Variants in MAX observed in about 807,000 individuals in gnomAD.
The protein encoded by MAX is protein max.
In MAX, 3 loss-of-function variants were observed where a neutral mutation model predicts 22.3. That is an observed-to-expected ratio of 0.13 (90% CI 0.06 to 0.35). MAX has a LOEUF of 0.35. Among genes scored for constraint, MAX ranks in the 10% least tolerant of loss-of-function variants. The probability of loss-of-function intolerance (pLI) is 1.00; values close to 1 mark genes in which losing one functional copy is unlikely to be tolerated. For missense variants in MAX, 119 were observed against 209.4 expected, an observed-to-expected ratio of 0.57 and a Z score of 2.66; for synonymous variants, 72 against 77.7, an observed-to-expected ratio of 0.93 and a Z score of 0.39.
At position 65,036,476 on chromosome 14, in the gene MAX, A is replaced by G. The variant is rs190425231; in HGVS notation, c.172-30192T>C. ...GGTCTTAAACCCCTGAGCTTAAGCA[A>G]TCCGCCTGCCTCAGCCTCCCAAAGT... is the stretch of plus-strand genomic sequence containing the variant. On this transcript the variant is annotated intron_variant, in intron 3 of 3. Transcript: ENST00000341653. 3.0e-3 allele frequency among the ~76,000 whole-genome samples: 463 copies of G among 152,226 alleles called. 1 individual carries two copies. The highest frequency in any genetic ancestry group is 4.1e-3 in the Non-Finnish European group (282 of 68,010).
chr14:65,009,823 T>A lies in MAX; in HGVS notation c.172-3539A>T, dbSNP rs2061656373. 6.6e-6 allele frequency among the ~76,000 whole-genome samples: 1 copy of A among 152,198 alleles called. No homozygotes were observed. Among genetic ancestry groups the A allele is most frequent in the Non-Finnish European group, 1.5e-5 (1 of 68,018 alleles). On this transcript the variant is annotated intron_variant, in intron 3 of 3. Coordinates refer to the MAX transcript ENST00000341653. The surrounding 1 kb of genome is among the most constrained non-coding windows in gnomAD (Gnocchi z 4.2). ...GCTCTTCCCTTTGGGAAGAGTTTTC[T>A]GACCCTCCATCTCTTCCCGTGGCTG...
Position 65,064,664 on chromosome 14 carries a change from C to T in MAX, c.171+29044G>A, listed in dbSNP as rs1043284462. On this transcript the variant is annotated intron_variant, in intron 3 of 3. Coordinates refer to the MAX transcript ENST00000341653. ...GTCCAATGGCTTGGAGAATACAGTG[C>T]ACCAATTGGCCAAAGTCTTGGTCAC... is the stretch of plus-strand genomic sequence containing the variant. 1.3e-5 allele frequency among the ~76,000 whole-genome samples: 2 copies of T among 152,244 alleles called. 1 individual carries two copies. The highest frequency in any genetic ancestry group is 4.1e-4 in the South Asian group (2 of 4,832).
chr14:65,063,117 C>G (rs921165998), intron 3 of MAX, among the ~76,000 whole-genome samples: 2 of 152,236 alleles, frequency 1.3e-5, no homozygotes, highest in African/African-American at 4.8e-5. Context: ...GTCCTGTGGC[C>G]TGACCCTCTT....
chr14:65,094,577 T>C (rs1044587778), intron 2 of MAX, among the ~76,000 whole-genome samples: 1 of 152,196 alleles, frequency 6.6e-6, no homozygotes, highest in Non-Finnish European at 1.5e-5. Context: ...CAGGTACCTG[T>C]GGCAGGTCAG....
chr14:65,023,008 T>C lies in MAX; in HGVS notation c.172-16724A>G, dbSNP rs2061916592. 1.3e-5 allele frequency among the ~76,000 whole-genome samples: 2 copies of C among 152,242 alleles called. No individual in the cohort carries two copies. The highest frequency in any genetic ancestry group is 2.1e-4 in the South Asian group (1 of 4,832). ...CATTTTGTATTATATGCTTATTTAC[T>C]GTACATGCCTTTGAATCCTTCATCC... On this transcript the variant is annotated intron_variant, in intron 3 of 3. Coordinates refer to the MAX transcript ENST00000341653. This position sits in a 1 kb window ranked among gnomAD's most constrained non-coding sequence, Gnocchi z 4.1.
chr14:65,102,537 G>A, upstream of MAX: 1 of 1,448,930 alleles, frequency 6.9e-7, no homozygotes, highest in Non-Finnish European at 9.1e-7. Context: ...GATCAACGGC[G>A]GCACGCACGC....
intron 2 of MAX, among the ~76,000 whole-genome samples, chr14:65,096,930 T>C (rs2063691564): frequency 1.3e-5 from 2 of 152,214 alleles, no homozygotes; most frequent in Non-Finnish European, 2.9e-5. Context: ...GGCTGGATGC[T>C]GCCCACTCTT....
In MAX at chr14:65,102,440, C is replaced by G; in HGVS notation, c.-101G>C. Reference sequence around the variant, plus strand: ...ACAACAACAAGCCGAGTCCCCCCCACACACACACTCACTCACTCACTCACT... The same window carrying G: ...ACAACAACAAGCCGAGTCCCCCCCAGACACACACTCACTCACTCACTCACT... On this transcript the variant is annotated 5_prime_UTR_variant, in exon 1 of 5. Transcript: ENST00000358664. 6.5e-7 allele frequency: 1 copy of G among 1,549,744 alleles called. No homozygotes were observed. Among genetic ancestry groups the G allele is most frequent in the South Asian group, 1.2e-5 (1 of 84,164 alleles).
In MAX at chr14:65,027,204, G is replaced by A. The variant is rs983926738; in HGVS notation, c.172-20920C>T. ...CGAAAGTCGGTTTCTTCCCAGCCTT[G>A]TGTTCCCTGCTTCATGACCAACAAG... On this transcript the variant is annotated intron_variant, in intron 3 of 3. Coordinates refer to the MAX transcript ENST00000341653. This position sits in a 1 kb window ranked among gnomAD's most constrained non-coding sequence, Gnocchi z 5.7. 2.0e-5 allele frequency among the ~76,000 whole-genome samples: 3 copies of A among 152,212 alleles called. No individual in the cohort carries two copies. Among genetic ancestry groups the A allele is most frequent in the African/African-American group, 7.2e-5 (3 of 41,456 alleles).
At chr14:65,059,331 C>G (rs957575050) in intron 3 of MAX, among the ~76,000 whole-genome samples, 2 of 151,776 alleles carry the variant, frequency 1.3e-5, no homozygotes, top group Admixed American at 1.3e-4. Context: ...CCGCACTAGC[C>G]CCTTTTTTTT....
At chr14:65,100,950 T>A (rs535958797) in intron 2 of MAX, among the ~76,000 whole-genome samples, 15 of 152,378 alleles carry the variant, frequency 9.8e-5, no homozygotes, top group African/African-American at 2.6e-4. Flanking sequence ...AGCTATTTTT[T>A]AATTTTCTTT....
intron 3 of MAX, chr14:65,041,009 T>TA (rs1215651646): frequency 5.2e-6 from 8 of 1,550,774 alleles, no homozygotes; most frequent in Non-Finnish European, 7.0e-6. Context: ...AGAGTTTGGC[T>TA]ATGGGAAGGG....
rs757241322 is a variant in MAX at position 65,027,520 on chromosome 14, C to A, written c.172-21236G>T. 1.2e-6 allele frequency: 2 copies of A among 1,614,170 alleles called. No homozygotes were observed. The highest frequency in any genetic ancestry group is 2.7e-5 in the African/African-American group (2 of 75,010). On this transcript the variant is annotated intron_variant, in intron 3 of 3. Transcript: ENST00000341653. This position sits in a 1 kb window ranked among gnomAD's most constrained non-coding sequence, Gnocchi z 5.7. ...CTTTGGAGGAGGACCCGGTCAGTAT[C>A]CACACCTTGCACCCACATATGCAGC...
In MAX at chr14:65,009,948, C is replaced by T. The variant is rs1319816126; in HGVS notation, c.172-3664G>A. Among the ~76,000 whole-genome samples, 1 of 152,168 alleles carries T rather than the reference C, an allele frequency of 6.6e-6. No homozygotes were observed. Among genetic ancestry groups the T allele is most frequent in the East Asian group, 1.9e-4 (1 of 5,194 alleles). Reference sequence around the variant, plus strand: ...GTACAGAGCAGCCTCTACCCCAGTGCTGGACAACACTCTGCCCACACAGAT... The same window carrying T: ...GTACAGAGCAGCCTCTACCCCAGTGTTGGACAACACTCTGCCCACACAGAT... On this transcript the variant is annotated intron_variant, in intron 3 of 3. Transcript: ENST00000341653. This position sits in a 1 kb window ranked among gnomAD's most constrained non-coding sequence, Gnocchi z 4.2.
rs189360345 is a variant in MAX, at chr14:65,020,865, A to G, written c.172-14581T>C. Among the ~76,000 whole-genome samples the G allele has an allele frequency of 2.3e-4, 34 of 151,078 alleles. No individual in the cohort carries two copies. The East Asian group carries it at 5.9e-3, about 26-fold the overall frequency. On this transcript the variant is annotated intron_variant, in intron 3 of 3. Coordinates refer to the MAX transcript ENST00000341653. ...TCCTGCCTCAGCTTCCCAAGTAGCT[A>G]GGATTACAGGGGTGTGCCACCACGC...
chr14:65,006,221 C>T (rs1465938839), exon 4 of MAX: 1 of 1,580,148 alleles, frequency 6.3e-7, no homozygotes, highest in Non-Finnish European at 8.6e-7. Context: ...TGGCAGAAAA[C>T]AGTTGGAAAA....
chr14:65,053,006 C>G (rs2062648422), intron 3 of MAX, among the ~76,000 whole-genome samples: 1 of 152,160 alleles, frequency 6.6e-6, no homozygotes, highest in Non-Finnish European at 1.5e-5. Flanking sequence ...GGGTGCATTT[C>G]AAGAAAGTGA....
At chr14:65,010,265 T>C (rs541962711) in intron 3 of MAX, among the ~76,000 whole-genome samples, 8 of 152,230 alleles carry the variant, frequency 5.3e-5, no homozygotes, top group Non-Finnish European at 1.2e-4. Context: ...CCCTTAGAGA[T>C]GGGTCTTCCC....
In MAX at chr14:65,032,745, C is replaced by T. The variant is rs60038853; in HGVS notation, c.172-26461G>A. On this transcript the variant is annotated intron_variant, in intron 3 of 3. Coordinates refer to the MAX transcript ENST00000341653. The surrounding 1 kb of genome is among the most constrained non-coding windows in gnomAD (Gnocchi z 5.0). ...TGGCCTCTTGGAGAGCAGGCGGTCA[C>T]GACACTACTTCAGAAAAATAAAGAA... 156,247 of 1,567,594 alleles carry T rather than the reference C, an allele frequency of 0.1. 14,178 individuals carry two copies. The highest frequency in any genetic ancestry group is 0.44 in the African/African-American group (31,840 of 73,194).
Sources: allele counts gnomAD v4.1 joint callset (sites outside exome capture counted in the v4.1 genomes callset), GRCh38; gene constraint gnomAD v4.1.1; non-coding constraint Gnocchi (gnomAD v3.1); transcripts MANE v1.5; gene names NCBI Gene and HGNC (gene_info 2026-07-23, HGNC 2026-07-21).